Variants in TUSC3 observed in about 807,000 individuals in gnomAD.
TUSC3 encodes dolichyl-diphosphooligosaccharide--protein glycosyltransferase subunit TUSC3.
A neutral mutation model predicts 44.8 loss-of-function variants in TUSC3; 45 were observed. The observed-to-expected ratio is 1.00, with a 90% CI of 0.79 to 1.29. The LOEUF (loss-of-function observed/expected upper bound fraction) is 1.29. TUSC3 is among the 50% of genes most tolerant of loss of function. The pLI, the probability that TUSC3 is intolerant of heterozygous loss-of-function variation, is 0.00. For synonymous variants in TUSC3, 212 were observed against 152.9 expected, an observed-to-expected ratio of 1.39 and a Z score of -2.85; for missense variants, 519 against 437.9, an observed-to-expected ratio of 1.19 and a Z score of -1.65.
At chr8:15,477,810 T>G (rs1020899002) in intron 1 of TUSC3, among the ~76,000 whole-genome samples, 1 of 152,166 alleles carries the variant, frequency 6.6e-6, no homozygotes, top group African/African-American at 2.4e-5. Context: ...ATTCTACATG[T>G]GATGGTATTG....
chr8:15,760,502 A>G (rs1812127739), intron 10 of TUSC3, among the ~76,000 whole-genome samples: 1 of 152,156 alleles, frequency 6.6e-6, no homozygotes, highest in African/African-American at 2.4e-5. Context: ...GTGGTTTAAT[A>G]CAAGACTAAG....
chr8:15,688,359 A>G (rs1257208958), intron 6 of TUSC3, among the ~76,000 whole-genome samples: 1 of 152,000 alleles, frequency 6.6e-6, no homozygotes, highest in African/African-American at 2.4e-5. Context: ...ACATAATGCT[A>G]GTCTCTGACT....
At chr8:15,417,489 A>C (rs779882715) in intron 1 of TUSC3, among the ~76,000 whole-genome samples, 74 of 152,322 alleles carry the variant, frequency 4.9e-4, no homozygotes, top group Admixed American at 8.5e-4. Flanking sequence ...AGGAGGCTGG[A>C]GCATAGACTT....
intron 1 of TUSC3, among the ~76,000 whole-genome samples, chr8:15,614,387 GA>G (rs1198091874): frequency 1.3e-5 from 2 of 152,130 alleles, no homozygotes; most frequent in Non-Finnish European, 2.9e-5. Context: ...ACCATCACTA[GA>G]AATCAGTTTT....
the TUSC3 span, among the ~76,000 whole-genome samples, chr8:15,817,465 T>C: frequency 1.3e-5 from 2 of 152,180 alleles, no homozygotes; most frequent in African/African-American, 2.4e-5. Flanking sequence ...TCATCCTGAA[T>C]TGTAGTTCCT....
intron 1 of TUSC3, among the ~76,000 whole-genome samples, chr8:15,436,292 G>C (rs1405690322): frequency 2.6e-5 from 4 of 152,192 alleles, no homozygotes; most frequent in East Asian, 1.9e-4. Flanking sequence ...AAAGGAAGTA[G>C]ATCCCTGCCT....
At position 15,571,917 on chromosome 8, in the gene TUSC3, C is replaced by G. The variant is rs142333404; in HGVS notation, c.138+31349C>G. On this transcript the variant is annotated intron_variant, in intron 1 of 10. Transcript: ENST00000503731. Reference sequence around the variant, plus strand: ...TACTGGGCTTCAAATATTCAGTAAACTGTGCTTTAAACATAGGTGCTGTTT... The same window carrying G: ...TACTGGGCTTCAAATATTCAGTAAAGTGTGCTTTAAACATAGGTGCTGTTT... 1.3e-5 allele frequency among the ~76,000 whole-genome samples: 2 copies of G among 152,234 alleles called. 1 individual carries two copies. The highest frequency in any genetic ancestry group is 4.8e-5 in the African/African-American group (2 of 41,536).
rs1055630732 is a variant in TUSC3 at position 15,763,603 on chromosome 8, T to C, written c.*47-600T>C. 3.3e-5 allele frequency among the ~76,000 whole-genome samples: 5 copies of C among 152,182 alleles called. No homozygotes were observed. The South Asian group carries it at 6.2e-4, about 19-fold the overall frequency. ...TGTTATTTAAATTGATTTACCATCTTACAAAATTAAATTTTGTTTCATAAA... is the reference window on the plus strand; with the variant it reads ...TGTTATTTAAATTGATTTACCATCTCACAAAATTAAATTTTGTTTCATAAA... On this transcript the variant is annotated intron_variant, in intron 10 of 10. Transcript: ENST00000503731.
At chr8:15,761,101 C>G (rs1421415971) in intron 10 of TUSC3, among the ~76,000 whole-genome samples, 2 of 152,150 alleles carry the variant, frequency 1.3e-5, no homozygotes, top group African/African-American at 4.8e-5. Flanking sequence ...CTGATTGAAA[C>G]AGACTTTTGG....
chr8:15,659,409 AAATG>A, intron 3 of TUSC3, 94 bp from the exon 4 acceptor site: 1 of 1,449,916 alleles, frequency 6.9e-7, no homozygotes. Context: ...TTTTCATAAT[AAATG>A]CTGTTTTCCC....
At chr8:15,851,980 T>C in the TUSC3 span, among the ~76,000 whole-genome samples, 1 of 152,184 alleles carries the variant, frequency 6.6e-6, no homozygotes, top group Admixed American at 6.5e-5. Flanking sequence ...ATCTCATTTT[T>C]TCTCTTGTCT....
At chr8:15,751,515 G>C (rs1429053185) in intron 9 of TUSC3, among the ~76,000 whole-genome samples, 2 of 152,130 alleles carry the variant, frequency 1.3e-5, no homozygotes, top group Non-Finnish European at 2.9e-5. Context: ...TTTTCTAGGA[G>C]GAAGTGATTG....
At chr8:15,621,376 A>G (rs1361373020) in intron 1 of TUSC3, among the ~76,000 whole-genome samples, 1 of 151,182 alleles carries the variant, frequency 6.6e-6, no homozygotes, top group Non-Finnish European at 1.5e-5. Flanking sequence ...GAAACTAAGA[A>G]CAATTAGGAG....
the TUSC3 span, among the ~76,000 whole-genome samples, chr8:15,847,377 T>C: frequency 6.6e-6 from 1 of 152,182 alleles, no homozygotes; most frequent in Non-Finnish European, 1.5e-5. Context: ...TCTTGTGATT[T>C]TGCAAACTTC....
the TUSC3 span, among the ~76,000 whole-genome samples, chr8:15,810,079 C>G: frequency 9.1e-4 from 138 of 152,160 alleles, 1 homozygote; most frequent in Middle Eastern, 0.01. Context: ...GGTAGCAAGC[C>G]GTAAACAATG....
At chr8:15,815,060 G>C in the TUSC3 span, among the ~76,000 whole-genome samples, 2 of 152,116 alleles carry the variant, frequency 1.3e-5, no homozygotes, top group African/African-American at 4.8e-5. Context: ...TATAAGTAAT[G>C]AGACAATGTA....
At chr8:15,700,736 G>C (rs1809358714) in intron 6 of TUSC3, among the ~76,000 whole-genome samples, 1 of 151,924 alleles carries the variant, frequency 6.6e-6, no homozygotes, top group African/African-American at 2.4e-5. Context: ...GAGTGGTGTT[G>C]GGTACCTAAG....
At chr8:15,768,769 A>G (rs1459363431), downstream of TUSC3, among the ~76,000 whole-genome samples, 1 of 152,152 alleles carries the variant, frequency 6.6e-6, no homozygotes, top group African/African-American at 2.4e-5. Flanking sequence ...CAATGTGCGA[A>G]AACCACAAGA....
intron 10 of TUSC3, chr8:15,758,176 A>T (rs1585310875): frequency 9.3e-7 from 1 of 1,070,848 alleles, no homozygotes; most frequent in East Asian, 6.5e-5. Context: ...CAACAAATAT[A>T]TTTCATTCTA....
Sources: allele counts gnomAD v4.1 joint callset (sites outside exome capture counted in the v4.1 genomes callset), GRCh38; gene constraint gnomAD v4.1.1; transcripts MANE v1.5; gene names NCBI Gene and HGNC (gene_info 2026-07-23, HGNC 2026-07-21).